PPP2R2C: variants seen among roughly 807,000 people sequenced by gnomAD.
PPP2R2C encodes protein phosphatase 2 regulatory subunit Bgamma, also known as protein phosphatase 2, regulatory subunit B, gamma.
A neutral mutation model predicts 45.3 loss-of-function variants in PPP2R2C; 10 were observed. The observed-to-expected ratio is 0.22, with a 90% confidence interval of 0.14 to 0.37. The LOEUF is 0.37. PPP2R2C is among the 10% of genes least tolerant of loss of function. The pLI is 1.00. For synonymous variants in PPP2R2C, 257 were observed against 245.4 expected, an observed-to-expected ratio of 1.05 and a Z score of -0.44; for missense variants, 308 against 619.7, an observed-to-expected ratio of 0.50 and a Z score of 5.34.
At chr4:6,436,869 C>T (rs918851857) in intron 1 of PPP2R2C, among the ~76,000 whole-genome samples, 3 of 146,996 alleles carry the variant, frequency 2.0e-5, no homozygotes, top group African/African-American at 7.6e-5. Context: ...AGTTTACCAA[C>T]CCTTATATAG....
intron 2 of PPP2R2C, among the ~76,000 whole-genome samples, chr4:6,534,315 A>T (rs1724516296): frequency 6.6e-6 from 1 of 150,520 alleles, no homozygotes; most frequent in African/African-American, 2.5e-5. Flanking sequence ...ACACATACAC[A>T]CATCAAAAAA....
intron 1 of PPP2R2C, among the ~76,000 whole-genome samples, chr4:6,390,715 T>C (rs188144504): frequency 6.6e-6 from 1 of 152,284 alleles, no homozygotes; most frequent in African/African-American, 2.4e-5. Context: ...GATGGGATTT[T>C]ATGTGAGGGG....
At chr4:6,430,929 A>C (rs960424084) in intron 1 of PPP2R2C, among the ~76,000 whole-genome samples, 15 of 41,668 alleles carry the variant, frequency 3.6e-4, no homozygotes, top group East Asian at 2.7e-3. Flanking sequence ...TGTCTCAAAA[A>C]AACAACAACA....
At chr4:6,450,170 C>T (rs1052394823) in intron 1 of PPP2R2C, among the ~76,000 whole-genome samples, 1 of 152,184 alleles carries the variant, frequency 6.6e-6, no homozygotes, top group Admixed American at 6.5e-5. Flanking sequence ...GGCTGTGCAG[C>T]CCTCGGCAAG....
intron 5 of PPP2R2C, among the ~76,000 whole-genome samples, chr4:6,360,306 C>T (rs1261002067): frequency 6.6e-6 from 1 of 152,258 alleles, no homozygotes; most frequent in African/African-American, 2.4e-5. Context: ...CCATCTGCAG[C>T]TTTCCCCATG....
At chr4:6,384,205 A>G in intron 1 of PPP2R2C, 1 of 985,462 alleles carries the variant, frequency 1.0e-6, no homozygotes, top group Non-Finnish European at 1.2e-6. Flanking sequence ...CAGCTGTGCT[A>G]GGGTCCCCGA....
chr4:6,494,020 G>A (rs1326644186), intron 2 of PPP2R2C, among the ~76,000 whole-genome samples: 6 of 152,290 alleles, frequency 3.9e-5, no homozygotes, highest in South Asian at 2.1e-4. Flanking sequence ...AGCCTGCAGC[G>A]TACCTGGGTT....
At chr4:6,405,851 G>C (rs1484210160) in intron 1 of PPP2R2C, among the ~76,000 whole-genome samples, 1 of 152,164 alleles carries the variant, frequency 6.6e-6, no homozygotes, top group African/African-American at 2.4e-5. Flanking sequence ...AGGGGCAGGG[G>C]GAGTCCAGAA....
At chr4:6,489,019 C>CTT (rs943460958) in intron 2 of PPP2R2C, among the ~76,000 whole-genome samples, 5 of 142,102 alleles carry the variant, frequency 3.5e-5, no homozygotes, top group African/African-American at 1.4e-4. Context: ...CCAGAGCTGT[C>CTT]TTTCTTTGCA....
At chr4:6,398,158 C>T (rs915749342) in intron 1 of PPP2R2C, among the ~76,000 whole-genome samples, 3 of 152,206 alleles carry the variant, frequency 2.0e-5, no homozygotes, top group Non-Finnish European at 4.4e-5. Flanking sequence ...AAGCTAAAAC[C>T]ATGAGCCTTC....
chr4:6,431,763 C>T (rs774493385), intron 1 of PPP2R2C, among the ~76,000 whole-genome samples: 3 of 152,180 alleles, frequency 2.0e-5, no homozygotes, highest in Non-Finnish European at 4.4e-5. Context: ...CCTCTGATAC[C>T]CTTCCCAGTG....
chr4:6,452,989 C>T (rs368912642), intron 1 of PPP2R2C, among the ~76,000 whole-genome samples: 11 of 152,298 alleles, frequency 7.2e-5, no homozygotes, highest in South Asian at 2.1e-4. Flanking sequence ...GGTTAAAGGG[C>T]GAGGCTGATC....
At chr4:6,349,440 G>A in intron 5 of PPP2R2C, 5 of 982,004 alleles carry the variant, frequency 5.1e-6, no homozygotes, top group Non-Finnish European at 6.0e-6. Context: ...CACACTGCCT[G>A]ATGCGTTGCA....
At chr4:6,370,776 G>T (rs57531202) in intron 5 of PPP2R2C, among the ~76,000 whole-genome samples, 9,990 of 152,246 alleles carry the variant, frequency 0.066, 1,087 homozygotes, top group African/African-American at 0.22. Context: ...TCGTGCAGCA[G>T]AAAGAGTCTA....
intron 6 of PPP2R2C, among the ~76,000 whole-genome samples, chr4:6,337,112 G>GTGTGTGTGTGTGTGTATATATATA (rs1202845732): frequency 3.3e-5 from 1 of 30,110 alleles, no homozygotes; most frequent in African/African-American, 1.0e-4. Context: ...ATGTGTGTGT[G>GTGTGTGTGTGTGTGTATATATATA]TATATATATA....
At chr4:6,404,430 T>C (rs1577152182) in intron 1 of PPP2R2C, among the ~76,000 whole-genome samples, 1 of 152,292 alleles carries the variant, frequency 6.6e-6, no homozygotes, top group East Asian at 1.9e-4. Context: ...TGCCAGCTGC[T>C]CCTGACCTCG....
upstream of PPP2R2C, among the ~76,000 whole-genome samples, chr4:6,473,318 G>T (rs1343402288): frequency 6.6e-6 from 1 of 152,094 alleles, no homozygotes; most frequent in Non-Finnish European, 1.5e-5. Flanking sequence ...CAAACCCAGG[G>T]CTCTGCCAAA....
At chr4:6,408,949 A>G (rs762923463) in intron 1 of PPP2R2C, among the ~76,000 whole-genome samples, 8 of 151,042 alleles carry the variant, frequency 5.3e-5, no homozygotes, top group Non-Finnish European at 1.0e-4. Context: ...TTTTTTAAAC[A>G]TTAAAAGATG....
chr4:6,430,881 C>T (rs1319603985), intron 1 of PPP2R2C, among the ~76,000 whole-genome samples: 1 of 151,906 alleles, frequency 6.6e-6, no homozygotes, highest in African/African-American at 2.4e-5. Context: ...GCCAAGATCG[C>T]ACCACTGCAC....
Sources: gnomAD v4.1 joint callset for allele counts (sites outside exome capture counted in the v4.1 genomes callset) on GRCh38, gnomAD v4.1.1 for gene constraint, MANE v1.5 for transcripts, NCBI Gene and HGNC (gene_info 2026-07-23, HGNC 2026-07-21) for gene names.